The following SMARCA2 variants were observed in gnomAD, a reference collection of about 807,000 sequenced individuals.
The protein encoded by SMARCA2 is SWI/SNF-related matrix-associated actin-dependent regulator of chromatin subfamily A member 2.
SMARCA2 carries 61 observed loss-of-function variants against 199.8 expected under a neutral mutation model. The observed-to-expected ratio is 0.31, with a 90% confidence interval of 0.25 to 0.38. The LOEUF is 0.38. Ranked by LOEUF, SMARCA2 falls within the 10% of genes least tolerant of loss-of-function variation. The pLI, the probability that SMARCA2 is intolerant of heterozygous loss-of-function variation, is 1.00. For synonymous variants in SMARCA2, 935 were observed against 732.0 expected, an observed-to-expected ratio of 1.28 and a Z score of -4.48; for missense variants, 1,344 against 2,012.2, an observed-to-expected ratio of 0.67 and a Z score of 6.35.
chr9:2,154,876 T>G lies in SMARCA2; in HGVS notation c.3982-6810T>G, dbSNP rs542290798. Among the ~76,000 whole-genome samples the G allele has an allele frequency of 7.9e-5, 12 of 152,374 alleles. No individual in the cohort carries two copies. The South Asian group carries it at 2.5e-3, about 32-fold the overall frequency. On this transcript the variant is annotated intron_variant, in intron 27 of 33. Transcript: ENST00000349721. ...AGTACAGAAGTGGCCCAGGCCCTTC[T>G]GAGGAGCCCTGCTCAACAGACAAGC...
chr9:2,116,609 C>G (rs185445007), intron 25 of SMARCA2, among the ~76,000 whole-genome samples: 2 of 152,278 alleles, frequency 1.3e-5, no homozygotes, highest in East Asian at 3.9e-4. Flanking sequence ...GGGAAAAATT[C>G]TGGTTAAACA....
At chr9:2,173,398 G>C (rs552177400) in intron 29 of SMARCA2, among the ~76,000 whole-genome samples, 1 of 152,176 alleles carries the variant, frequency 6.6e-6, no homozygotes, top group African/African-American at 2.4e-5. Flanking sequence ...AAATGAGAGC[G>C]AGAGGCTGTA....
At chr9:2,131,952 A>G (rs958419033) in intron 27 of SMARCA2, among the ~76,000 whole-genome samples, 3 of 147,454 alleles carry the variant, frequency 2.0e-5, no homozygotes, top group Admixed American at 6.7e-5. Flanking sequence ...AAAAAAAAAA[A>G]GGAAAAAAAA....
chr9:2,020,220 T>G (rs939137388), intron 1 of SMARCA2, among the ~76,000 whole-genome samples: 2 of 152,242 alleles, frequency 1.3e-5, no homozygotes, highest in Non-Finnish European at 2.9e-5. Context: ...TATTTCTGAT[T>G]TCTCCTTTTT....
In SMARCA2 at chr9:2,029,226, A is replaced by C. The variant is rs1291908763; in HGVS notation, c.204A>C (p.Glu68Asp). The C allele has an allele frequency of 1.2e-6, 2 of 1,612,148 alleles. No individual in the cohort carries two copies. The highest frequency in any genetic ancestry group is 1.7e-4 in the Middle Eastern group (1 of 6,052). Residue 68 changes from glutamate to aspartate, a missense_variant, in exon 2 of 34, where the codon GAA (glutamate) becomes GAC (aspartate). Physicochemically the swap from Glu to Asp is conservative, Grantham distance 45. This residue lies in a region of SMARCA2 where 275 missense variants were observed against 247.5 expected (regional missense o/e 1.11). Coordinates refer to ENST00000349721, the MANE Select transcript of SMARCA2 (RefSeq NM_003070.5). The part of the protein sequence containing the change: ...PTMGSTDFPQ[E>D]GMHQMHKPID... ...TGGGGTCCACAGACTTCCCACAGGA[A>C]GGCATGCATCAAATGCATAAGGTAA...
intron 27 of SMARCA2, among the ~76,000 whole-genome samples, chr9:2,147,831 G>A (rs940128558): frequency 4.6e-5 from 7 of 151,312 alleles, no homozygotes; most frequent in Admixed American, 4.6e-4. Flanking sequence ...CTGGGTGACA[G>A]AGCCAGACTC....
At chr9:2,150,938 C>A (rs1260336879) in intron 27 of SMARCA2, among the ~76,000 whole-genome samples, 1 of 151,500 alleles carries the variant, frequency 6.6e-6, no homozygotes, top group Non-Finnish European at 1.5e-5. Context: ...AGGCCTAGGG[C>A]CATTTTAACT....
intron 27 of SMARCA2, among the ~76,000 whole-genome samples, chr9:2,153,794 A>G (rs1825199261): frequency 6.6e-6 from 1 of 151,810 alleles, no homozygotes; most frequent in Non-Finnish European, 1.5e-5. Context: ...TTATGGTTCC[A>G]CACGTCTATG....
intron 18 of SMARCA2, among the ~76,000 whole-genome samples, chr9:2,087,704 A>G (rs1821860169): frequency 6.6e-6 from 1 of 152,160 alleles, no homozygotes; most frequent in Non-Finnish European, 1.5e-5. Flanking sequence ...TTGCAAGAAA[A>G]GAAATGGGCA....
At chr9:2,176,072 G>C (rs887088704) in intron 29 of SMARCA2, among the ~76,000 whole-genome samples, 13 of 151,776 alleles carry the variant, frequency 8.6e-5, no homozygotes, top group African/African-American at 2.9e-4. Flanking sequence ...GTAAAGATGA[G>C]GTTTCTCCAT....
At chr9:2,180,111 G>C (rs759783640) in intron 29 of SMARCA2, among the ~76,000 whole-genome samples, 1 of 152,146 alleles carries the variant, frequency 6.6e-6, no homozygotes, top group Admixed American at 6.5e-5. Context: ...GTGGTTGAGA[G>C]GGTGAGAGAA....
At chr9:2,163,552 A>G (rs1427733238) in intron 28 of SMARCA2, among the ~76,000 whole-genome samples, 1 of 152,204 alleles carries the variant, frequency 6.6e-6, no homozygotes, top group African/African-American at 2.4e-5. Context: ...GCCAGCTTGG[A>G]TTATTATGCC....
At chr9:2,133,422 C>T (rs1047189999) in intron 27 of SMARCA2, among the ~76,000 whole-genome samples, 3 of 152,144 alleles carry the variant, frequency 2.0e-5, no homozygotes, top group East Asian at 3.9e-4. Flanking sequence ...GCTGAGACTA[C>T]GGGTACGCAC....
intron 29 of SMARCA2, among the ~76,000 whole-genome samples, chr9:2,176,182 G>GTTTTTTTTTTTTTTTTTTTTTTTTTTTT (rs56186732): frequency 9.6e-6 from 1 of 104,160 alleles, no homozygotes; most frequent in African/African-American, 3.7e-5. Context: ...CGCCCGGCCT[G>GTTTTTTTTTTTTTTTTTTTTTTTTTTTT]TTTTTTTTTT....
At chr9:2,081,408 T>G (rs1021796872) in intron 14 of SMARCA2, among the ~76,000 whole-genome samples, 1 of 152,246 alleles carries the variant, frequency 6.6e-6, no homozygotes, top group African/African-American at 2.4e-5. Context: ...GCCTTTTCAC[T>G]GAGGGGACCT....
chr9:2,138,547 T>C (rs1483515537), intron 27 of SMARCA2, among the ~76,000 whole-genome samples: 1 of 152,224 alleles, frequency 6.6e-6, no homozygotes, highest in African/African-American at 2.4e-5. Flanking sequence ...TCCTCAAAAG[T>C]TGAGCTTTAC....
intron 27 of SMARCA2, chr9:2,158,566 G>A: frequency 5.8e-6 from 1 of 173,258 alleles, no homozygotes; most frequent in Non-Finnish European, 1.2e-5. Flanking sequence ...TTGCTTCTGT[G>A]ATTTATTTCA....
In SMARCA2 at chr9:2,173,734, G is replaced by A. The variant is rs1234717963; in HGVS notation, c.4253+3262G>A. Among the ~76,000 whole-genome samples the A allele has an allele frequency of 3.9e-5, 6 of 152,180 alleles. No homozygotes were observed. In the East Asian group the frequency reaches 1.2e-3, roughly 29 times the overall value. ...TTGGAGATTCCCAGTACAGCCAGAG[G>A]CCCTGGGAAGTCTTGCTGTAAAGTC... On this transcript the variant is annotated intron_variant, in intron 29 of 33. Transcript: ENST00000349721.
At chr9:2,029,427 GCATCA>G (rs1818967290) in intron 2 of SMARCA2, among the ~76,000 whole-genome samples, 180 bp downstream of exon 2, 1 of 152,206 alleles carries the variant, frequency 6.6e-6, no homozygotes, top group African/African-American at 2.4e-5. Flanking sequence ...TACAGATGTT[GCATCA>G]GTTATGAAGA....
Sources: allele counts gnomAD v4.1 joint callset (sites outside exome capture counted in the v4.1 genomes callset), GRCh38; gene constraint gnomAD v4.1.1; regional missense constraint gnomAD v4.1.1; transcripts MANE v1.5; gene names NCBI Gene and HGNC (gene_info 2026-07-23, HGNC 2026-07-21).